The following CDH19 variants were observed in gnomAD, a reference collection of about 807,000 sequenced individuals.
CDH19 encodes cadherin-19.
Under a neutral mutation model 64.2 loss-of-function variants are expected in CDH19, and 67 were observed. The ratio of observed to expected loss-of-function variants is 1.04; its 90% CI spans 0.86 to 1.28. The LOEUF (loss-of-function observed/expected upper bound fraction) is 1.28, where lower values mean the gene tolerates loss of function less well. Among genes scored for constraint, CDH19 ranks in the 50% most tolerant of loss-of-function variants. CDH19 has a pLI of 0.00. For synonymous variants in CDH19, 346 were observed against 319.3 expected (o/e 1.08, Z -0.89); for missense variants, 1,030 against 929.0 (o/e 1.11, Z -1.41).
chr18:66,580,323 A>T (rs992041572), intron 1 of CDH19, among the ~76,000 whole-genome samples: 5 of 152,040 alleles, frequency 3.3e-5, no homozygotes, highest in African/African-American at 1.2e-4. Flanking sequence ...AAATATTCAA[A>T]TTTTTCCACT....
At chr18:66,597,110 A>C (rs981058246) in intron 1 of CDH19, among the ~76,000 whole-genome samples, 1 of 146,108 alleles carries the variant, frequency 6.8e-6, no homozygotes, top group African/African-American at 2.5e-5. Context: ...AAATCATACT[A>C]ATGTTCACAG....
rs538891695 is a variant in CDH19, at chr18:66,502,210, A to G, written c.*2602T>C. The G allele has an allele frequency of 6.6e-6, 1 of 152,098 alleles. No individual in the cohort carries two copies. The highest frequency in any genetic ancestry group is 1.5e-5 in the Non-Finnish European group (1 of 67,998). 9.4% of individuals were successfully genotyped at this position (152,098 alleles called of 1,614,324 possible). On this transcript the variant is annotated 3_prime_UTR_variant, in exon 12 of 12. Coordinates refer to ENST00000262150, the MANE Select transcript of CDH19 (RefSeq NM_021153.4). ...AGGAAGTTGCACCTTCTGTATTAGA[A>G]TCAGATAGTATCTTTTGATGTGGTT...
chr18:66,571,088 G>A (rs1400783811), intron 2 of CDH19, among the ~76,000 whole-genome samples: 3 of 151,604 alleles, frequency 2.0e-5, no homozygotes, highest in Non-Finnish European at 4.4e-5. Flanking sequence ...TAATGTGTGT[G>A]TGTGTGTATG....
rs1440933336 is a variant in CDH19 at position 66,551,128 on chromosome 18, T to G, written c.741A>C (p.Ser247=). The G allele has an allele frequency of 1.2e-6, 2 of 1,605,286 alleles. No individual in the cohort carries two copies. The highest frequency in any genetic ancestry group is 2.2e-5 in the South Asian group (2 of 90,618). The change falls in exon 5 of 12, where the codon TCA becomes TCC. Residue 247 remains serine, a synonymous_variant. Coordinates refer to ENST00000262150, the MANE Select transcript of CDH19 (RefSeq NM_021153.4). ...ATATAGGCTTATTGTCATTAACATC[T>G]GAAAGTTTAATTAATACACTTGTTG... ...SGTTSVLIKL[S]DVNDNKPIFK... is the part of the protein sequence containing the mutation.
intron 3 of CDH19, among the ~76,000 whole-genome samples, chr18:66,564,150 T>C (rs970764800): frequency 1.3e-5 from 2 of 151,890 alleles, no homozygotes; most frequent in African/African-American, 4.8e-5. Flanking sequence ...AAGGTGAATT[T>C]AATATTTCTA....
At chr18:66,590,983 T>C (rs775848137) in intron 1 of CDH19, among the ~76,000 whole-genome samples, 20 of 151,904 alleles carry the variant, frequency 1.3e-4, no homozygotes, top group Non-Finnish European at 2.9e-4. Context: ...TTTTTATGTA[T>C]TACTTTTTAA....
intron 10 of CDH19, among the ~76,000 whole-genome samples, 197 bp from the exon 11 acceptor site, chr18:66,509,443 A>C (rs1438683221): frequency 6.6e-6 from 1 of 151,868 alleles, no homozygotes; most frequent in Non-Finnish European, 1.5e-5. Context: ...CTAAACCCTA[A>C]TTATGTAATC....
At chr18:66,575,466 C>A (rs1453928687) in intron 1 of CDH19, among the ~76,000 whole-genome samples, 1 of 151,810 alleles carries the variant, frequency 6.6e-6, no homozygotes, top group Admixed American at 6.6e-5. Flanking sequence ...ACTGCAACTC[C>A]CTTCAGAGAA....
At chr18:66,530,623 G>C (rs1229467335) in intron 8 of CDH19, among the ~76,000 whole-genome samples, 2 of 148,312 alleles carry the variant, frequency 1.3e-5, no homozygotes, top group Non-Finnish European at 3.0e-5. Flanking sequence ...GAAAATTGTG[G>C]TTAAAACATT....
chr18:66,520,824 A>G (rs1985951467), intron 9 of CDH19, among the ~76,000 whole-genome samples: 1 of 152,068 alleles, frequency 6.6e-6, no homozygotes, highest in African/African-American at 2.4e-5. Flanking sequence ...AGGTAATACA[A>G]GAAAACGTTG....
At chr18:66,600,492 A>G (rs1989011042) in intron 1 of CDH19, among the ~76,000 whole-genome samples, 1 of 152,058 alleles carries the variant, frequency 6.6e-6, no homozygotes, top group East Asian at 1.9e-4. Flanking sequence ...TTGTGAGTTA[A>G]GAATTGTATG....
intron 1 of CDH19, among the ~76,000 whole-genome samples, chr18:66,590,526 TAAA>T (rs34507203): frequency 7.3e-4 from 108 of 147,478 alleles, no homozygotes; most frequent in African/African-American, 2.4e-3. Context: ...CGTATATCTT[TAAA>T]AAAAAAAAAA....
intron 9 of CDH19, among the ~76,000 whole-genome samples, chr18:66,521,915 T>TTTGTTGTTG (rs1332615034): frequency 7.1e-5 from 3 of 42,396 alleles, no homozygotes; most frequent in South Asian, 3.1e-3. Flanking sequence ...AGTTACTTGT[T>TTTGTTGTTG]CTGTTGTTGT....
At chr18:66,512,935 A>C (rs1425170460) in intron 9 of CDH19, among the ~76,000 whole-genome samples, 2 of 151,524 alleles carry the variant, frequency 1.3e-5, no homozygotes, top group African/African-American at 4.8e-5. Context: ...GGCTTGTCAG[A>C]GGGTTTGTCA....
intron 1 of CDH19, among the ~76,000 whole-genome samples, chr18:66,593,701 A>G (rs1941732): frequency 0.12 from 18,141 of 152,164 alleles, 1,378 homozygotes; most frequent in Middle Eastern, 0.2. Flanking sequence ...AATGTACACC[A>G]TAAGTTTCCA....
At chr18:66,563,468 T>G (rs1475066597) in intron 3 of CDH19, among the ~76,000 whole-genome samples, 1 of 152,024 alleles carries the variant, frequency 6.6e-6, no homozygotes, top group Non-Finnish European at 1.5e-5. Flanking sequence ...GTTGTATAAT[T>G]GTCAACTTCA....
At chr18:66,571,129 C>T (rs916425002) in intron 2 of CDH19, among the ~76,000 whole-genome samples, 9 of 151,182 alleles carry the variant, frequency 6.0e-5, no homozygotes, top group African/African-American at 1.9e-4. Context: ...ATACACCCTC[C>T]TCCCTGCACG....
At chr18:66,528,973 T>A (rs778844922) in intron 9 of CDH19, among the ~76,000 whole-genome samples, 2 of 151,994 alleles carry the variant, frequency 1.3e-5, no homozygotes, top group Non-Finnish European at 2.9e-5. Flanking sequence ...AAACAGCTTA[T>A]GGTATTTAAT....
At chr18:66,528,973 T>G (rs778844922) in intron 9 of CDH19, among the ~76,000 whole-genome samples, 38 of 151,994 alleles carry the variant, frequency 2.5e-4, no homozygotes, top group African/African-American at 8.2e-4. Flanking sequence ...AAACAGCTTA[T>G]GGTATTTAAT....
Sources: allele counts gnomAD v4.1 joint callset (sites outside exome capture counted in the v4.1 genomes callset), GRCh38; gene constraint gnomAD v4.1.1; transcripts MANE v1.5; gene names NCBI Gene and HGNC (gene_info 2026-07-23, HGNC 2026-07-21).